Variants in PCDH15 observed in about 807,000 individuals in gnomAD.
PCDH15 encodes protocadherin related 15.
In PCDH15, 129 loss-of-function variants were observed where a neutral mutation model predicts 178.5. The ratio of observed to expected loss-of-function variants is 0.72; its 90% CI spans 0.63 to 0.84. The LOEUF (loss-of-function observed/expected upper bound fraction) is 0.84, where lower values mean the gene tolerates loss of function less well. PCDH15 is among the 40% of genes least tolerant of loss of function. The pLI, the probability that PCDH15 is intolerant of heterozygous loss-of-function variation, is 0.00. For synonymous variants in PCDH15, 800 were observed against 732.0 expected (o/e 1.09, Z -1.50); for missense variants, 2,230 against 2,099.9 (o/e 1.06, Z -1.21).
chr10:55,357,584 G>T (rs1017204511), intron 2 of PCDH15, among the ~76,000 whole-genome samples: 22 of 151,974 alleles, frequency 1.4e-4, no homozygotes, highest in Admixed American at 9.9e-4. Context: ...TTTTGGGAAA[G>T]ATTGAATTAG....
intron 1 of PCDH15, among the ~76,000 whole-genome samples, chr10:54,779,715 G>C (rs1042370692): frequency 3.3e-5 from 5 of 151,410 alleles, no homozygotes; most frequent in African/African-American, 1.2e-4. Context: ...TTTGAACTGT[G>C]AGTACAATGA....
intron 9 of PCDH15, among the ~76,000 whole-genome samples, chr10:54,214,983 A>C (rs1313500602): frequency 6.6e-6 from 1 of 152,202 alleles, no homozygotes; most frequent in African/African-American, 2.4e-5. Context: ...TGTGTACTGC[A>C]ACATTCTTTT....
At chr10:54,060,850 G>C (rs1158840146) in intron 18 of PCDH15, among the ~76,000 whole-genome samples, 1 of 152,048 alleles carries the variant, frequency 6.6e-6, no homozygotes, top group African/African-American at 2.4e-5. Context: ...AAGAGGTGAG[G>C]GTTGTTAGGT....
At chr10:55,403,639 T>C (rs1838127661) in intron 2 of PCDH15, among the ~76,000 whole-genome samples, 1 of 151,930 alleles carries the variant, frequency 6.6e-6, no homozygotes. Context: ...TTCCGCAATA[T>C]ATGTTCTCAG....
intron 3 of PCDH15, among the ~76,000 whole-genome samples, chr10:54,459,242 C>A (rs1771365218): frequency 6.6e-6 from 1 of 152,044 alleles, no homozygotes; most frequent in Admixed American, 6.6e-5. Context: ...ACACCTGCGA[C>A]AGGAACAAGA....
intron 2 of PCDH15, among the ~76,000 whole-genome samples, chr10:54,645,701 A>G (rs2094116141): frequency 6.6e-6 from 1 of 152,146 alleles, no homozygotes; most frequent in African/African-American, 2.4e-5. Context: ...AGGTTTGTGT[A>G]TGTTTGCATG....
At chr10:54,808,944 A>G (rs981748919) in intron 3 of PCDH15, among the ~76,000 whole-genome samples, 3 of 111,638 alleles carry the variant, frequency 2.7e-5, no homozygotes, top group Admixed American at 1.6e-4. Context: ...CTGGGAAAAG[A>G]AAAAAAAAAA....
rs1176418413 is a variant in PCDH15, at chr10:54,329,613, C to A, written c.688G>T (p.Val230Phe). The A allele has an allele frequency of 6.3e-7, 1 of 1,596,490 alleles. No homozygotes were observed. The highest frequency in any genetic ancestry group is 1.1e-5 in the South Asian group (1 of 90,730). ...ATACTCACATTAGCTTGGATTATGA[C>A]AAAGTAGCGAGTCTTATCTTCATAG... ...LNYEDKTRYF[V>F]IIQANDRAQN... is the part of the protein sequence containing the mutation. The change falls in exon 7 of 38, where the codon GTC becomes TTC. Residue 230 changes from valine to phenylalanine, a missense_variant. By Grantham distance (50) the Val-to-Phe change is conservative (BLOSUM62 -1). Transcript: ENST00000644397.
chr10:55,334,242 A>ATATGTGTGTGTG (rs1291195941), intron 2 of PCDH15, among the ~76,000 whole-genome samples: 59 of 72,134 alleles, frequency 8.2e-4, no homozygotes, highest in Middle Eastern at 9.6e-3. Context: ...ATATATATAT[A>ATATGTGTGTGTG]TGTGTGTGTG....
At chr10:54,132,809 T>C in intron 15 of PCDH15, 66 bp downstream of exon 15, 1 of 1,553,618 alleles carries the variant, frequency 6.4e-7, no homozygotes, top group South Asian at 1.2e-5. Flanking sequence ...TATAAACTCA[T>C]TAAATGCCAA....
At chr10:55,598,673 T>C (rs1842994992) in intron 2 of PCDH15, among the ~76,000 whole-genome samples, 1 of 151,340 alleles carries the variant, frequency 6.6e-6, no homozygotes, top group African/African-American at 2.4e-5. Flanking sequence ...TCATGAAATC[T>C]AAATGTTCGA....
intron 27 of PCDH15, among the ~76,000 whole-genome samples, chr10:53,863,947 T>C (rs1009515791): frequency 6.6e-6 from 1 of 152,144 alleles, no homozygotes; most frequent in African/African-American, 2.4e-5. Context: ...AATGCTTTAG[T>C]ATTATTTTTC....
intron 8 of PCDH15, among the ~76,000 whole-genome samples, chr10:54,273,144 G>A (rs1028292057): frequency 6.6e-6 from 1 of 152,146 alleles, no homozygotes; most frequent in African/African-American, 2.4e-5. Flanking sequence ...TAATGCTGTT[G>A]TTTGTGAACT....
At chr10:54,866,442 G>A (rs1433477722) in intron 3 of PCDH15, among the ~76,000 whole-genome samples, 1 of 152,084 alleles carries the variant, frequency 6.6e-6, no homozygotes, top group Non-Finnish European at 1.5e-5. Flanking sequence ...ATTTTGTCAT[G>A]TTTGCAGACA....
intron 25 of PCDH15, among the ~76,000 whole-genome samples, chr10:53,913,945 T>C (rs1393634300): frequency 1.3e-5 from 2 of 151,928 alleles, no homozygotes; most frequent in Admixed American, 1.3e-4. Context: ...CGTCAAAAAG[T>C]GGGCAAAGGA....
At chr10:54,281,742 C>T (rs1591568468) in intron 8 of PCDH15, among the ~76,000 whole-genome samples, 1 of 152,038 alleles carries the variant, frequency 6.6e-6, no homozygotes, top group East Asian at 1.9e-4. Flanking sequence ...AATTTTAGTA[C>T]TACCATCTAT....
At chr10:54,587,937 T>C (rs2091612565) in intron 2 of PCDH15, among the ~76,000 whole-genome samples, 1 of 152,200 alleles carries the variant, frequency 6.6e-6, no homozygotes, top group African/African-American at 2.4e-5. Context: ...TAAATGAATA[T>C]GTTTTATAAT....
At chr10:54,542,018 T>A (rs2085294407) in intron 2 of PCDH15, among the ~76,000 whole-genome samples, 1 of 152,196 alleles carries the variant, frequency 6.6e-6, no homozygotes, top group South Asian at 2.1e-4. Context: ...ATGGATTAAT[T>A]TTTGAAACAA....
At chr10:54,156,761 C>T (rs543150952) in intron 13 of PCDH15, among the ~76,000 whole-genome samples, 14 of 152,264 alleles carry the variant, frequency 9.2e-5, no homozygotes, top group South Asian at 8.3e-4. Context: ...CTTCCACCTA[C>T]GAGCCTGTCA....
Sources: gnomAD v4.1 joint callset for allele counts (sites outside exome capture counted in the v4.1 genomes callset) on GRCh38, gnomAD v4.1.1 for gene constraint, MANE v1.5 for transcripts, NCBI Gene and HGNC (gene_info 2026-07-23, HGNC 2026-07-21) for gene names.